The following SLC17A3 variants were observed in gnomAD, a reference collection of about 807,000 sequenced individuals.
SLC17A3 encodes sodium-dependent phosphate transport protein 4.
A neutral mutation model predicts 60.3 loss-of-function variants in SLC17A3; 61 were observed. The observed-to-expected ratio is 1.01, with a 90% CI of 0.82 to 1.25. The LOEUF (loss-of-function observed/expected upper bound fraction) is 1.25. Among genes scored for constraint, SLC17A3 ranks in the 50% most tolerant of loss-of-function variants. The pLI is 0.00. For missense variants in SLC17A3, 624 were observed against 594.9 expected (o/e 1.05, Z -0.51); for synonymous variants, 192 against 208.9 (o/e 0.92, Z 0.70).
At chr6:25,853,810 T>A (rs1373780796) in intron 6 of SLC17A3, among the ~76,000 whole-genome samples, 1 of 152,200 alleles carries the variant, frequency 6.6e-6, no homozygotes, top group Non-Finnish European at 1.5e-5. Flanking sequence ...TAAGCTTAGA[T>A]CATTAATTTG....
intron 11 of SLC17A3, among the ~76,000 whole-genome samples, chr6:25,847,232 T>C (rs1348308613): frequency 2.6e-5 from 4 of 152,178 alleles, no homozygotes; most frequent in Non-Finnish European, 4.4e-5. Context: ...GCACCATCCA[T>C]TTTCCTACAA....
Position 25,850,867 on chromosome 6 carries a change from G to A in SLC17A3, c.723C>T (p.Gly241=), listed in dbSNP as rs769368252. The part of the protein sequence containing the change: ...PFVFYIFGGV[G]CVCCLLWFVV... Reference sequence around the variant, plus strand: ...CAAACCAGAGAAGGCAGCAGACACAGCCAACACCTCCTGTAAGCACAGGGT... The same window carrying A: ...CAAACCAGAGAAGGCAGCAGACACAACCAACACCTCCTGTAAGCACAGGGT... The change falls in exon 7 of 13, where the codon GGC becomes GGT. Residue 241 remains glycine (G), a synonymous_variant. Coordinates refer to ENST00000397060, the MANE Select transcript of SLC17A3 (RefSeq NM_001098486.2). 1 of 1,613,718 alleles carries A rather than the reference G, an allele frequency of 6.2e-7. No individual in the cohort carries two copies. The highest frequency in any genetic ancestry group is 8.5e-7 in the Non-Finnish European group (1 of 1,179,732).
chr6:25,874,162 C>G lies in SLC17A3; in HGVS notation c.-34+5G>C, dbSNP rs1488363351. ...TTCATCTCAATACCAAGAGAAGTGA[C>G]TTACCGACTTAATGTCTGTGGAAGG... On this transcript the variant is annotated splice_donor_5th_base_variant and intron_variant, in intron 1 of 12. Coordinates refer to ENST00000397060, the MANE Select transcript of SLC17A3 (RefSeq NM_001098486.2). The G allele has an allele frequency of 6.6e-6, 1 of 152,114 alleles. No individual in the cohort carries two copies. Among genetic ancestry groups the G allele is most frequent in the Non-Finnish European group, 1.5e-5 (1 of 68,010 alleles). 9.4% of individuals were successfully genotyped at this position (152,114 alleles called of 1,614,324 possible).
intron 2 of SLC17A3, among the ~76,000 whole-genome samples, chr6:25,866,148 G>A (rs978275308): frequency 4.6e-5 from 7 of 151,888 alleles, no homozygotes; most frequent in Admixed American, 4.6e-4. Flanking sequence ...GTGATGGGAC[G>A]TCACCCCCAT....
At chr6:25,847,894 C>G (rs965071523) in intron 11 of SLC17A3, among the ~76,000 whole-genome samples, 1 of 152,052 alleles carries the variant, frequency 6.6e-6, no homozygotes, top group African/African-American at 2.4e-5. Context: ...ACCCTTACCC[C>G]CTTCCCACAC....
Position 25,855,208 on chromosome 6 carries a change from A to G in SLC17A3, c.648T>C (p.Thr216=), listed in dbSNP as rs755775938. The G allele has an allele frequency of 6.2e-6, 10 of 1,613,422 alleles. No homozygotes were observed. In the South Asian group the frequency reaches 1.1e-4, roughly 18 times the overall value. Residue 216 remains threonine, a synonymous_variant, in exon 6 of 13, where the codon ACT becomes ACC. Transcript: ENST00000397060. ...TAATGAAGCCACCTATGAGGATGGC[A>G]GTAAAGCATCCCAGTAACATTCCTG... is the stretch of plus-strand genomic sequence containing the variant. ...ALSGMLLGCF[T]AILIGGFISE...
chr6:25,867,017 A>AC (rs576399638), intron 2 of SLC17A3, among the ~76,000 whole-genome samples: 17 of 152,132 alleles, frequency 1.1e-4, no homozygotes, highest in Non-Finnish European at 2.2e-4. Flanking sequence ...ATCAAACTGA[A>AC]TAGGTCCAAA....
rs768538258 is a variant in SLC17A3, at chr6:25,850,779, T to G, written c.811A>C (p.Ile271Leu). 3.7e-5 allele frequency: 60 copies of G among 1,613,688 alleles called. No homozygotes were observed. Among genetic ancestry groups the G allele is most frequent in the Non-Finnish European group, 5.1e-5 (60 of 1,179,608 alleles). ...WISTSEKEYIISSLKQQVGSS... is the reference protein window; with the variant it reads ...WISTSEKEYILSSLKQQVGSS... ...TGTACCTGTTGTTTCAAGGAGGATA[T>G]GATGTATTCTTTTTCTGAGGTGCTT... Residue 271 changes from isoleucine (I) to leucine (L), a missense_variant, in exon 7 of 13, where the codon ATA becomes CTA. Ile to Leu is a conservative substitution (Grantham distance 5). Transcript: ENST00000397060.
intron 10 of SLC17A3, 137 bp from the exon 11 acceptor site, chr6:25,849,601 AG>A: frequency 1.4e-6 from 1 of 738,122 alleles, no homozygotes; most frequent in South Asian, 1.6e-5. Flanking sequence ...TATATCAAAA[AG>A]GACTTGCACT....
At chr6:25,849,615 G>A in intron 10 of SLC17A3, 151 bp from the exon 11 acceptor site, 1 of 743,938 alleles carries the variant, frequency 1.3e-6, no homozygotes, top group East Asian at 2.7e-5. Context: ...CTTGCACTAT[G>A]TATATTCAAT....
chr6:25,853,661 G>A (rs903069314), intron 6 of SLC17A3, among the ~76,000 whole-genome samples: 10 of 151,706 alleles, frequency 6.6e-5, no homozygotes, highest in African/African-American at 1.7e-4. Flanking sequence ...TTCATGATCC[G>A]CCCACCTCGG....
chr6:25,857,447 GT>G (rs1198521589), intron 5 of SLC17A3, among the ~76,000 whole-genome samples: 1 of 148,664 alleles, frequency 6.7e-6, no homozygotes, highest in Non-Finnish European at 1.5e-5. Context: ...TTAATGTGGT[GT>G]TTTGTAATTC....
chr6:25,845,647 A>G (rs1581517396), intron 11 of SLC17A3, 131 bp from the exon 12 acceptor site: 5 of 1,029,742 alleles, frequency 4.9e-6, no homozygotes, highest in African/African-American at 4.8e-5. Context: ...AAGTGGCTTG[A>G]TAGTTAAATG....
intron 2 of SLC17A3, among the ~76,000 whole-genome samples, chr6:25,863,799 C>T (rs567453656): frequency 1.3e-5 from 2 of 152,146 alleles, no homozygotes; most frequent in East Asian, 1.9e-4. Context: ...ATTGACCACT[C>T]TTCTAGGCCA....
At chr6:25,847,152 A>C (rs2151517961) in intron 11 of SLC17A3, among the ~76,000 whole-genome samples, 1 of 151,684 alleles carries the variant, frequency 6.6e-6, no homozygotes, top group East Asian at 1.9e-4. Context: ...TTTGTCTTCT[A>C]CTTATAAGTG....
rs1012688016 is a variant in SLC17A3, at chr6:25,868,369, A to G, written c.19T>C (p.Leu7=). 2.6e-5 allele frequency: 42 copies of G among 1,607,898 alleles called. No homozygotes were observed. The highest frequency in any genetic ancestry group is 3.0e-5 in the Non-Finnish European group (35 of 1,177,006). Residue 7 remains leucine, a synonymous_variant, in exon 2 of 13, where the codon TTG becomes CTG. Coordinates refer to ENST00000397060, the MANE Select transcript of SLC17A3 (RefSeq NM_001098486.2). ...TTGCTCTCCCTTGCTGTGGGACTCA[A>G]CTCTGTCTTGGTGGCCATTGTGTTT... MATKTE[L]SPTARESKNA... is the part of the protein sequence containing the mutation.
At chr6:25,871,570 T>G (rs1350652476) in intron 1 of SLC17A3, among the ~76,000 whole-genome samples, 1 of 151,722 alleles carries the variant, frequency 6.6e-6, no homozygotes, top group East Asian at 1.9e-4. Context: ...CACACCAACA[T>G]GGCACATGTA....
Position 25,861,699 on chromosome 6 carries a change from C to G in SLC17A3, c.550G>C (p.Gly184Arg). Residue 184 changes from glycine to arginine, a missense_variant, in exon 5 of 13, where the codon GGG (glycine) becomes CGG (arginine). By Grantham distance (125) the Gly-to-Arg change is moderately radical (BLOSUM62 -2). Coordinates refer to ENST00000397060, the MANE Select transcript of SLC17A3 (RefSeq NM_001098486.2). ...TTTTCCCAAATTGCAAACTGACCCC[C>G]AAGTATTGAGGACTGAAATTAAAAT... ...VQGLSQSSIL[G>R]GQFAIWEKWG... 6.2e-7 allele frequency: 1 copy of G among 1,613,948 alleles called. No homozygotes were observed. The highest frequency in any genetic ancestry group is 8.5e-7 in the Non-Finnish European group (1 of 1,179,860).
chr6:25,852,787 C>T (rs774539318), intron 6 of SLC17A3, among the ~76,000 whole-genome samples: 2 of 152,112 alleles, frequency 1.3e-5, no homozygotes, highest in Non-Finnish European at 2.9e-5. Context: ...TCTGTCAGCT[C>T]TGGGTTAGTT....
Sources: gnomAD v4.1 joint callset for allele counts (sites outside exome capture counted in the v4.1 genomes callset) on GRCh38, gnomAD v4.1.1 for gene constraint, MANE v1.5 for transcripts, NCBI Gene and HGNC (gene_info 2026-07-23, HGNC 2026-07-21) for gene names.